The following GALNTL6 variants were observed in gnomAD, a reference collection of about 807,000 sequenced individuals.
The protein encoded by GALNTL6 is polypeptide N-acetylgalactosaminyltransferase like 6.
In GALNTL6, 46 loss-of-function variants were observed where a neutral mutation model predicts 73.7. The ratio of observed to expected loss-of-function variants is 0.62; its 90% CI spans 0.49 to 0.80. The LOEUF (loss-of-function observed/expected upper bound fraction) is 0.80. Ranked by LOEUF, GALNTL6 falls within the 30% of genes least tolerant of loss-of-function variation. The probability of loss-of-function intolerance (pLI) is 0.00; values close to 1 mark genes in which losing one functional copy is unlikely to be tolerated. For missense variants in GALNTL6, 604 were observed against 755.0 expected, an observed-to-expected ratio of 0.80 and a Z score of 2.34; for synonymous variants, 259 against 263.7, an observed-to-expected ratio of 0.98 and a Z score of 0.17.
intron 5 of GALNTL6, among the ~76,000 whole-genome samples, chr4:172,675,298 GC>G (rs1273422976): frequency 6.6e-6 from 1 of 152,192 alleles, no homozygotes; most frequent in Admixed American, 6.5e-5. Flanking sequence ...CTTGTATTGG[GC>G]CCCAACTTTG....
Position 171,990,843 on chromosome 4 carries a change from A to G in GALNTL6, c.138+176125A>G, listed in dbSNP as rs116096980. Among the ~76,000 whole-genome samples, 1,492 of 152,350 alleles carry G rather than the reference A, an allele frequency of 9.8e-3. 20 individuals are homozygous for G. The highest frequency in any genetic ancestry group is 0.017 in the Non-Finnish European group (1,130 of 68,018). On this transcript the variant is annotated intron_variant, in intron 2 of 12. Coordinates refer to ENST00000506823, the MANE Select transcript of GALNTL6 (RefSeq NM_001034845.3). ...ATCTACTGGAAATTTGAAAGCAAATATTGTTTTAAATGTTGCTGTAAATGT... is the reference window on the plus strand; with the variant it reads ...ATCTACTGGAAATTTGAAAGCAAATGTTGTTTTAAATGTTGCTGTAAATGT...
intron 7 of GALNTL6, among the ~76,000 whole-genome samples, chr4:172,814,217 T>C (rs1342840610): frequency 6.6e-6 from 1 of 152,152 alleles, no homozygotes; most frequent in Non-Finnish European, 1.5e-5. Flanking sequence ...AACTGAAACA[T>C]GGGGAATTCA....
intron 2 of GALNTL6, among the ~76,000 whole-genome samples, chr4:171,931,907 C>CA (rs945963203): frequency 2.0e-5 from 3 of 151,884 alleles, no homozygotes; most frequent in Non-Finnish European, 4.4e-5. Flanking sequence ...AATTTGTTTT[C>CA]AAAAAAAGCT....
At chr4:172,646,342 G>A (rs1351838309) in intron 5 of GALNTL6, among the ~76,000 whole-genome samples, 6 of 151,766 alleles carry the variant, frequency 4.0e-5, no homozygotes, top group African/African-American at 1.5e-4. Flanking sequence ...CTATGAACAT[G>A]GTATATTTCT....
chr4:172,573,194 T>A (rs929018118), intron 5 of GALNTL6, among the ~76,000 whole-genome samples: 2 of 152,308 alleles, frequency 1.3e-5, no homozygotes, highest in African/African-American at 4.8e-5. Flanking sequence ...CATGCAAATG[T>A]GGCCTTTTCC....
chr4:173,014,068 T>TA (rs528943973), intron 11 of GALNTL6, among the ~76,000 whole-genome samples: 15 of 150,766 alleles, frequency 9.9e-5, no homozygotes, highest in African/African-American at 2.7e-4. Context: ...TGGCAAAAAT[T>TA]AAAAAAAGGA....
At chr4:172,826,814 C>G (rs923035094) in intron 7 of GALNTL6, among the ~76,000 whole-genome samples, 1 of 152,234 alleles carries the variant, frequency 6.6e-6, no homozygotes, top group African/African-American at 2.4e-5. Context: ...AGAACTTGGT[C>G]TCTTATGGGT....
At chr4:173,022,193 A>AAGGG (rs1491365632) in intron 12 of GALNTL6, among the ~76,000 whole-genome samples, 5 of 63,432 alleles carry the variant, frequency 7.9e-5, no homozygotes, top group Non-Finnish European at 1.6e-4. Context: ...GGGAGGGAGG[A>AAGGG]AGGAAGGAAG....
At chr4:171,821,706 T>C (rs189543602) in intron 2 of GALNTL6, among the ~76,000 whole-genome samples, 56 of 151,414 alleles carry the variant, frequency 3.7e-4, no homozygotes, top group Admixed American at 3.1e-3. Flanking sequence ...TCATTGCCTT[T>C]ACCAAGGTAA....
At chr4:172,327,402 T>A (rs914150997) in intron 4 of GALNTL6, among the ~76,000 whole-genome samples, 13 of 152,214 alleles carry the variant, frequency 8.5e-5, no homozygotes, top group African/African-American at 3.1e-4. Flanking sequence ...TCTGTAGAGG[T>A]CTATCAAATC....
chr4:172,703,310 A>G (rs925511888), intron 5 of GALNTL6, among the ~76,000 whole-genome samples: 2 of 151,972 alleles, frequency 1.3e-5, no homozygotes, highest in African/African-American at 4.8e-5. Context: ...TTCTCTATTC[A>G]TAGGATATTA....
chr4:172,715,791 T>A (rs1735041666), intron 5 of GALNTL6, among the ~76,000 whole-genome samples: 1 of 152,194 alleles, frequency 6.6e-6, no homozygotes, highest in South Asian at 2.1e-4. Context: ...CATTTTTGGA[T>A]CTGCTGTTGG....
In GALNTL6 at chr4:171,863,719, G is replaced by A. The variant is rs552441248; in HGVS notation, c.138+49001G>A. On this transcript the variant is annotated intron_variant, in intron 2 of 12. Transcript: ENST00000506823. The stretch of plus-strand genomic sequence containing the variant: ...GTGAAAACTCCTAGTAGGACAAAGT[G>A]CATGCATTAAATAATGATAATACCT... 1.3e-4 allele frequency among the ~76,000 whole-genome samples: 19 copies of A among 151,810 alleles called. No individual in the cohort carries two copies. The South Asian group carries it at 3.7e-3, about 30-fold the overall frequency.
chr4:172,763,399 T>C (rs1416147121), intron 5 of GALNTL6, among the ~76,000 whole-genome samples: 2 of 152,260 alleles, frequency 1.3e-5, no homozygotes, highest in Non-Finnish European at 2.9e-5. Context: ...ATAATTTATT[T>C]TTCTACTTCT....
intron 2 of GALNTL6, among the ~76,000 whole-genome samples, chr4:172,068,040 TTTG>T (rs145356503): frequency 0.77 from 79,138 of 103,344 alleles, 36,189 homozygotes; most frequent in South Asian, 0.88. Flanking sequence ...CCAACAGGTT[TTTG>T]TTGTTGTTGT....
At chr4:172,623,955 C>A (rs1015255938) in intron 5 of GALNTL6, among the ~76,000 whole-genome samples, 3 of 152,036 alleles carry the variant, frequency 2.0e-5, no homozygotes, top group African/African-American at 7.2e-5. Flanking sequence ...TTAATTCATC[C>A]AGTATAAATT....
chr4:173,025,313 T>C (rs1753188418), intron 12 of GALNTL6, among the ~76,000 whole-genome samples: 1 of 152,104 alleles, frequency 6.6e-6, no homozygotes, highest in Non-Finnish European at 1.5e-5. Flanking sequence ...TCAGTAAAAA[T>C]ATTTGTCCTC....
At chr4:172,774,107 A>G (rs1738932492) in intron 5 of GALNTL6, among the ~76,000 whole-genome samples, 1 of 152,218 alleles carries the variant, frequency 6.6e-6, no homozygotes, top group Admixed American at 6.5e-5. Flanking sequence ...ATTTTTGCAC[A>G]ACGAATTCAA....
chr4:171,928,875 G>C (rs971538011), intron 2 of GALNTL6, among the ~76,000 whole-genome samples: 1 of 152,092 alleles, frequency 6.6e-6, no homozygotes, highest in Non-Finnish European at 1.5e-5. Flanking sequence ...TACACACTGT[G>C]ATGTTCACAG....
Sources: gnomAD v4.1 joint callset for allele counts (sites outside exome capture counted in the v4.1 genomes callset) on GRCh38, gnomAD v4.1.1 for gene constraint, MANE v1.5 for transcripts, NCBI Gene and HGNC (gene_info 2026-07-23, HGNC 2026-07-21) for gene names.